The following SH3BP5 variants were observed in gnomAD, a reference collection of about 807,000 sequenced individuals.
The protein encoded by SH3BP5 is SH3 domain binding protein 5.
Under a neutral mutation model 43.3 loss-of-function variants are expected in SH3BP5, and 22 were observed. That is an observed-to-expected ratio of 0.51 (90% CI 0.36 to 0.73). The LOEUF (loss-of-function observed/expected upper bound fraction) is 0.73. Ranked by LOEUF, SH3BP5 falls within the 30% of genes least tolerant of loss-of-function variation. SH3BP5 has a pLI of 0.00. For missense variants in SH3BP5, 529 were observed against 586.9 expected (o/e 0.90, Z 1.02); for synonymous variants, 255 against 225.8 (o/e 1.13, Z -1.16).
Position 15,304,171 on chromosome 3 carries a change from C to A in SH3BP5, c.262G>T (p.Val88Leu), listed in dbSNP as rs761745285. The change falls in exon 3 of 9, where the codon GTG (valine) becomes TTG (leucine). Residue 88 changes from valine (V) to leucine (L), a missense_variant. By Grantham distance (32) the Val-to-Leu change is conservative (BLOSUM62 1). Coordinates refer to ENST00000383791, the MANE Select transcript of SH3BP5 (RefSeq NM_004844.5). Reference protein sequence around the residue: ...VEATVKLDELVKKIGKAVEDS... With the variant: ...VEATVKLDELLKKIGKAVEDS... ...TCCACAGCTTTGCCAATTTTCTTCACCAGTTCATCCAGTTTCACCGTTGCT... is the reference window on the plus strand; with the variant it reads ...TCCACAGCTTTGCCAATTTTCTTCAACAGTTCATCCAGTTTCACCGTTGCT... The A allele has an allele frequency of 6.2e-7, 1 of 1,614,212 alleles. No homozygotes were observed. The highest frequency in any genetic ancestry group is 2.2e-5 in the East Asian group (1 of 44,890).
At chr3:15,331,281 C>T (rs1296713213) in intron 1 of SH3BP5, among the ~76,000 whole-genome samples, 1 of 152,098 alleles carries the variant, frequency 6.6e-6, no homozygotes, top group Non-Finnish European at 1.5e-5. Flanking sequence ...TTTTTTTCCA[C>T]CTGATCTTTA....
chr3:15,276,890 T>C (rs1431174961), intron 3 of SH3BP5, among the ~76,000 whole-genome samples: 2 of 152,220 alleles, frequency 1.3e-5, no homozygotes, highest in African/African-American at 4.8e-5. Flanking sequence ...AGTATATAGA[T>C]ATAGTACATC....
At chr3:15,320,484 T>C (rs184661565) in intron 2 of SH3BP5, among the ~76,000 whole-genome samples, 101 of 152,226 alleles carry the variant, frequency 6.6e-4, no homozygotes, top group African/African-American at 2.4e-3. Context: ...GTCTTTAATG[T>C]TGGAAACATC....
At chr3:15,260,377 A>G (rs775962010) in intron 5 of SH3BP5, 11 of 158,344 alleles carry the variant, frequency 6.9e-5, no homozygotes, top group African/African-American at 2.2e-4. Flanking sequence ...ACTCAGCCAC[A>G]TAATGGGCCC....
At chr3:15,257,478 T>G (rs1317271503) in intron 7 of SH3BP5, 1 of 190,340 alleles carries the variant, frequency 5.3e-6, no homozygotes, top group Admixed American at 5.6e-5. Flanking sequence ...GAAGAGGTTC[T>G]AGTCCTCTGT....
chr3:15,257,243 G>A lies in SH3BP5; in HGVS notation c.890-130C>T, dbSNP rs767877079. 1.7e-5 allele frequency: 16 copies of A among 922,138 alleles called. No homozygotes were observed. The East Asian group carries it at 2.0e-4, about 12-fold the overall frequency. The allele number at this position is 922,138 out of a possible 1,614,324, so 57.1% of individuals were successfully genotyped here. Reference sequence around the variant, plus strand: ...GTCTCTACCTCTGTGAGTGCCTAATGAAGGAATGTGACTTCCCAAGCCTGA... The same window carrying A: ...GTCTCTACCTCTGTGAGTGCCTAATAAAGGAATGTGACTTCCCAAGCCTGA... On this transcript the variant is annotated intron_variant, in intron 7 of 8. Transcript: ENST00000383791.
At chr3:15,331,364 G>C (rs1012357001) in intron 1 of SH3BP5, among the ~76,000 whole-genome samples, 2 of 151,996 alleles carry the variant, frequency 1.3e-5, no homozygotes, top group Non-Finnish European at 2.9e-5. Context: ...ATTGATCTGT[G>C]CACTAAAAAA....
intron 3 of SH3BP5, among the ~76,000 whole-genome samples, chr3:15,298,399 C>T (rs938578545): frequency 6.6e-6 from 1 of 152,214 alleles, no homozygotes; most frequent in Non-Finnish European, 1.5e-5. Context: ...ATCTCCTTTC[C>T]TAAAGGAGGT....
At chr3:15,258,577 C>G (rs1000508601) in intron 7 of SH3BP5, 8 of 525,812 alleles carry the variant, frequency 1.5e-5, no homozygotes, top group Non-Finnish European at 2.4e-5. Flanking sequence ...CAAATGTATA[C>G]TTTGACTCTC....
chr3:15,334,087 C>T (rs992245090), upstream of SH3BP5, among the ~76,000 whole-genome samples: 4 of 152,168 alleles, frequency 2.6e-5, no homozygotes, highest in African/African-American at 9.7e-5. Context: ...ATGATAAATG[C>T]TTCTCAGCTA....
chr3:15,309,673 C>T (rs989987540), intron 2 of SH3BP5, among the ~76,000 whole-genome samples: 11 of 152,250 alleles, frequency 7.2e-5, no homozygotes, highest in African/African-American at 2.6e-4. Flanking sequence ...TTCTGATGGG[C>T]AGGTTCAGGG....
At chr3:15,331,188 C>A (rs890010136) in intron 1 of SH3BP5, among the ~76,000 whole-genome samples, 2 of 152,236 alleles carry the variant, frequency 1.3e-5, no homozygotes, top group African/African-American at 2.4e-5. Context: ...AACAAAGGAT[C>A]TTGCTAACAT....
chr3:15,296,341 T>TATACACACAC (rs1553616951), intron 3 of SH3BP5, among the ~76,000 whole-genome samples: 1 of 146,160 alleles, frequency 6.8e-6, no homozygotes, highest in African/African-American at 2.5e-5. Context: ...GGAAATCATA[T>TATACACACAC]ACACACACAC....
chr3:15,267,888 T>C (rs1696687616), intron 4 of SH3BP5, among the ~76,000 whole-genome samples: 1 of 152,218 alleles, frequency 6.6e-6, no homozygotes, highest in South Asian at 2.1e-4. Context: ...TCTGAAATGC[T>C]TGCTTATAGG....
upstream of SH3BP5, among the ~76,000 whole-genome samples, chr3:15,336,309 G>A (rs73027572): frequency 0.17 from 25,775 of 152,000 alleles, 2,278 homozygotes; most frequent in Middle Eastern, 0.22. Context: ...GAGAGAGGGA[G>A]GGAGATGAAA....
chr3:15,288,822 T>A (rs1282433165), intron 3 of SH3BP5, among the ~76,000 whole-genome samples: 1 of 152,212 alleles, frequency 6.6e-6, no homozygotes, highest in African/African-American at 2.4e-5. Context: ...AAAGTGACAA[T>A]GAGAAATGAC....
In SH3BP5 at chr3:15,258,952, C is replaced by A; in HGVS notation, c.768G>T (p.Glu256Asp). The A allele has an allele frequency of 6.2e-7, 1 of 1,614,216 alleles. No homozygotes were observed. The highest frequency in any genetic ancestry group is 8.5e-7 in the Non-Finnish European group (1 of 1,180,036). ...ALKNLEMISD[E>D]IHERRRSSAM... ...CACTGGAGCGCCGCCGCTCGTGGAT[C>A]TCATCTGAGATCATCTCCAGGTTCT... Residue 256 changes from glutamate to aspartate, a missense_variant, in exon 7 of 9, where the codon GAG becomes GAT. Glu to Asp is a conservative substitution (Grantham distance 45). Around this residue, in one of 3 missense-constraint regions of SH3BP5, gnomAD observed 369 missense variants for 384.3 expected, o/e 0.96. Transcript: ENST00000383791.
chr3:15,258,938 C>T lies in SH3BP5; in HGVS notation c.782G>A (p.Arg261Gln), dbSNP rs1466494546. Reference sequence around the variant, plus strand: ...CCGAGGCCCCATGGCACTGGAGCGCCGCCGCTCGTGGATCTCATCTGAGAT... The same window carrying T: ...CCGAGGCCCCATGGCACTGGAGCGCTGCCGCTCGTGGATCTCATCTGAGAT... Reference protein sequence around the residue: ...EMISDEIHERRRSSAMGPRGC... With the variant: ...EMISDEIHERQRSSAMGPRGC... The change falls in exon 7 of 9, where the codon CGG becomes CAG. Residue 261 changes from arginine to glutamine, a missense_variant. Coordinates refer to ENST00000383791, the MANE Select transcript of SH3BP5 (RefSeq NM_004844.5). 6.8e-6 allele frequency: 11 copies of T among 1,614,082 alleles called. No individual in the cohort carries two copies. Among genetic ancestry groups the T allele is most frequent in the African/African-American group, 4.0e-5 (3 of 74,932 alleles).
At chr3:15,289,481 C>T (rs771828418) in intron 3 of SH3BP5, among the ~76,000 whole-genome samples, 2 of 152,188 alleles carry the variant, frequency 1.3e-5, no homozygotes, top group Non-Finnish European at 2.9e-5. Context: ...GAGCAGCAAA[C>T]AGAACACTCG....
Sources: gnomAD v4.1 joint callset for allele counts (sites outside exome capture counted in the v4.1 genomes callset) on GRCh38, gnomAD v4.1.1 for gene constraint, gnomAD v4.1.1 regional missense constraint, MANE v1.5 for transcripts, NCBI Gene and HGNC (gene_info 2026-07-23, HGNC 2026-07-21) for gene names.